Variants in PRDM11 observed in about 807,000 individuals in gnomAD.
PRDM11 encodes the protein PR domain-containing protein 11.
PRDM11 carries 20 observed loss-of-function variants against 97.8 expected under a neutral mutation model. The observed-to-expected ratio is 0.20, with a 90% CI of 0.14 to 0.30. The LOEUF is 0.30. Ranked by LOEUF, PRDM11 falls within the 10% of genes least tolerant of loss-of-function variation. PRDM11 has a pLI of 1.00. For missense variants in PRDM11, 1,139 were observed against 1,555.2 expected (o/e 0.73, Z 4.50); for synonymous variants, 599 against 637.7 (o/e 0.94, Z 0.91).
chr11:45,175,544 T>C (rs1451158430), intron 1 of PRDM11, among the ~76,000 whole-genome samples: 2 of 152,278 alleles, frequency 1.3e-5, no homozygotes, highest in Non-Finnish European at 2.9e-5. Flanking sequence ...CATTGTGATA[T>C]AGCATAGCAA....
intron 4 of PRDM11, among the ~76,000 whole-genome samples, chr11:45,194,557 C>T (rs75795111): frequency 0.037 from 5,415 of 146,946 alleles, 136 homozygotes; most frequent in South Asian, 0.058. Flanking sequence ...ATTTGTATAT[C>T]TCACAACAGT....
rs904098496 is a variant in PRDM11, at chr11:45,233,701, G to A, written c.*5542G>A. On this transcript the variant is annotated 3_prime_UTR_variant, in exon 8 of 8. Transcript: ENST00000683152. ...TGCTCAACCACTGTCAGGAGGAGAG[G>A]ATGTGGGCAGCATGAGCATCGCCAG... The A allele has an allele frequency of 3.3e-5, 5 of 152,312 alleles. No homozygotes were observed. The highest frequency in any genetic ancestry group is 1.2e-4 in the African/African-American group (5 of 41,466). 9.4% of individuals were successfully genotyped at this position (152,312 alleles called of 1,614,324 possible). A position where few individuals can be genotyped will look rare whatever the true frequency, so the allele number is the denominator to read the frequency against.
upstream of PRDM11, among the ~76,000 whole-genome samples, chr11:45,095,584 A>G (rs1019792002): frequency 2.0e-5 from 3 of 152,146 alleles, no homozygotes; most frequent in Non-Finnish European, 4.4e-5. Flanking sequence ...ATGGCAGCTG[A>G]GAGTAGAGGC....
At chr11:45,134,627 A>G (rs1320745805) in intron 1 of PRDM11, among the ~76,000 whole-genome samples, 2 of 129,820 alleles carry the variant, frequency 1.5e-5, no homozygotes, top group East Asian at 5.3e-4. Flanking sequence ...TGAGCCTGGG[A>G]GGTCGAGGCT....
chr11:45,110,888 G>A (rs1198237084), intron 1 of PRDM11, among the ~76,000 whole-genome samples: 1 of 152,144 alleles, frequency 6.6e-6, no homozygotes, highest in Non-Finnish European at 1.5e-5. Flanking sequence ...ACTTGGAGAA[G>A]ACAATCAGCT....
chr11:45,150,085 G>T (rs1851622917), intron 1 of PRDM11, among the ~76,000 whole-genome samples: 1 of 152,156 alleles, frequency 6.6e-6, no homozygotes, highest in Non-Finnish European at 1.5e-5. Flanking sequence ...TCCAGACTCT[G>T]CAGGGACACC....
intron 1 of PRDM11, among the ~76,000 whole-genome samples, chr11:45,140,105 C>T (rs1463074487): frequency 6.6e-6 from 1 of 152,122 alleles, no homozygotes; most frequent in Non-Finnish European, 1.5e-5. Context: ...CATTTGAACA[C>T]CAAAAATAGT....
chr11:45,149,092 T>C (rs1192617988), intron 1 of PRDM11, among the ~76,000 whole-genome samples: 1 of 152,140 alleles, frequency 6.6e-6, no homozygotes. Flanking sequence ...TCCACTTCTC[T>C]CCATCCCCTC....
Position 45,227,869 on chromosome 11 carries a change from C to T in PRDM11, c.3244C>T (p.Pro1082Ser). ...GATCATCCAGGTTCTTAAAGTCCTC[C>T]CCACTTCCACCGCTTGCTGCGAGAA... ...NKIIQVLKVL[P>S]TSTACCEKGR... The change falls in exon 8 of 8, where the codon CCC becomes TCC. Residue 1082 changes from proline (P) to serine (S), a missense_variant. Physicochemically the swap from Pro to Ser is moderately conservative, Grantham distance 74 (BLOSUM62 -1). Coordinates refer to ENST00000683152, the MANE Select transcript of PRDM11 (RefSeq NM_001384648.1). This position sits in a 1 kb window ranked among gnomAD's most constrained non-coding sequence, Gnocchi z 8.0. The T allele has an allele frequency of 6.5e-7, 1 of 1,533,946 alleles. No individual in the cohort carries two copies. Among genetic ancestry groups the T allele is most frequent in the Non-Finnish European group, 8.7e-7 (1 of 1,146,732 alleles).
chr11:45,179,568 TTGGTTCC>T (rs1228232669), intron 1 of PRDM11, among the ~76,000 whole-genome samples: 6 of 152,286 alleles, frequency 3.9e-5, no homozygotes, highest in African/African-American at 1.4e-4. Context: ...TGCCAGCCTA[TTGGTTCC>T]TGGTGGTGGC....
chr11:45,181,025 G>T (rs1852476375), intron 1 of PRDM11, among the ~76,000 whole-genome samples: 2 of 152,180 alleles, frequency 1.3e-5, no homozygotes, highest in African/African-American at 2.4e-5. Flanking sequence ...AGTCACACAC[G>T]CCGCTCGCCC....
chr11:45,096,240 G>A (rs926150799), intron 1 of PRDM11, among the ~76,000 whole-genome samples: 1 of 152,180 alleles, frequency 6.6e-6, no homozygotes, highest in African/African-American at 2.4e-5. Flanking sequence ...ACAGCACCTG[G>A]CACATAGTAA....
At chr11:45,155,039 G>T (rs1851757808) in intron 1 of PRDM11, among the ~76,000 whole-genome samples, 1 of 152,198 alleles carries the variant, frequency 6.6e-6, no homozygotes. Context: ...GGGGGGTAGT[G>T]GCCGGTGGGC....
intron 4 of PRDM11, among the ~76,000 whole-genome samples, chr11:45,185,861 G>A (rs781674337): frequency 6.6e-6 from 1 of 151,996 alleles, no homozygotes; most frequent in Non-Finnish European, 1.5e-5. Flanking sequence ...AGATGGGAGC[G>A]ATGATCTTGG....
intron 5 of PRDM11, chr11:45,212,952 C>A: frequency 2.5e-6 from 1 of 397,228 alleles, no homozygotes; most frequent in Non-Finnish European, 5.1e-6. Context: ...GCCACCCAGG[C>A]CCAAGCCCCC....
intron 1 of PRDM11, among the ~76,000 whole-genome samples, chr11:45,173,494 C>T (rs959435831): frequency 5.3e-5 from 8 of 151,782 alleles, no homozygotes; most frequent in South Asian, 2.1e-4. Flanking sequence ...TGGTGGCGCA[C>T]GGCTGTAATC....
chr11:45,193,879 C>T (rs1392968654), intron 4 of PRDM11, among the ~76,000 whole-genome samples: 1 of 152,194 alleles, frequency 6.6e-6, no homozygotes, highest in African/African-American at 2.4e-5. Context: ...GCTGGGGGTT[C>T]TTGGCTTCTC....
intron 4 of PRDM11, among the ~76,000 whole-genome samples, chr11:45,194,024 G>T (rs1193609720): frequency 1.3e-5 from 2 of 152,162 alleles, no homozygotes; most frequent in Non-Finnish European, 2.9e-5. Context: ...ATATCTCATT[G>T]GCTACATCAA....
At chr11:45,194,256 G>A (rs1242606671) in intron 4 of PRDM11, among the ~76,000 whole-genome samples, 1 of 152,132 alleles carries the variant, frequency 6.6e-6, no homozygotes, top group Non-Finnish European at 1.5e-5. Context: ...TGAAAACATG[G>A]AATTAAAAAT....
Sources: allele counts gnomAD v4.1 joint callset (sites outside exome capture counted in the v4.1 genomes callset), GRCh38; gene constraint gnomAD v4.1.1; non-coding constraint Gnocchi (gnomAD v3.1); transcripts MANE v1.5; gene names NCBI Gene and HGNC (gene_info 2026-07-23, HGNC 2026-07-21).